Variants in KAT6B observed in about 807,000 individuals in gnomAD.
KAT6B encodes lysine acetyltransferase 6B.
In KAT6B, 10 loss-of-function variants were observed where a neutral mutation model predicts 187.5. The ratio of observed to expected loss-of-function variants is 0.05; its 90% confidence interval spans 0.03 to 0.09. KAT6B has a LOEUF of 0.09. KAT6B is among the 10% of genes least tolerant of loss of function. The pLI, the probability that KAT6B is intolerant of heterozygous loss-of-function variation, is 1.00. For synonymous variants in KAT6B, 861 were observed against 926.8 expected, an observed-to-expected ratio of 0.93 and a Z score of 1.29; for missense variants, 1,952 against 2,558.9, an observed-to-expected ratio of 0.76 and a Z score of 5.12.
rs532562370 is a variant in KAT6B at position 74,970,246 on chromosome 10, G to C, written c.928+145G>C. On this transcript the variant is annotated intron_variant, in intron 6 of 17. Coordinates refer to ENST00000287239, the MANE Select transcript of KAT6B (RefSeq NM_012330.4). ...CCCTATACTTCTGAGTTTAGCACAGGTTGTGAATAGAGGAGTATAAAAGCA... is the reference window on the plus strand; with the variant it reads ...CCCTATACTTCTGAGTTTAGCACAGCTTGTGAATAGAGGAGTATAAAAGCA... 430 of 655,816 alleles carry C rather than the reference G, an allele frequency of 6.6e-4. 5 individuals are homozygous for C. The South Asian group carries it at 7.0e-3, about 11-fold the overall frequency. 40.6% of individuals were successfully genotyped at this position (655,816 alleles called of 1,614,324 possible).
rs753103186 is a variant in KAT6B at position 75,029,786 on chromosome 10, A to C, written c.4962A>C (p.Ser1654=). 6.2e-7 allele frequency: 1 copy of C among 1,614,210 alleles called. No homozygotes were observed. The highest frequency in any genetic ancestry group is 1.1e-5 in the South Asian group (1 of 91,084). Residue 1654 remains serine (S), a synonymous_variant, in exon 18 of 18, where the codon TCA becomes TCC. Transcript: ENST00000287239. This position sits in a 1 kb window ranked among gnomAD's most constrained non-coding sequence, Gnocchi z 6.2. ...CCAGTCCCATGATGGATGTCCCATC[A>C]GTTTCAGATCATTCACAGCAAGTCG... ...METSPMMDVP[S]VSDHSQQVVD...
At chr10:74,981,094 T>A (rs1842477462) in intron 10 of KAT6B, among the ~76,000 whole-genome samples, 2 of 152,206 alleles carry the variant, frequency 1.3e-5, no homozygotes, top group African/African-American at 4.8e-5. Flanking sequence ...AAAAATATGC[T>A]TGGTCCCTTG....
chr10:74,897,987 C>T (rs546962711), intron 3 of KAT6B, among the ~76,000 whole-genome samples: 2 of 152,152 alleles, frequency 1.3e-5, no homozygotes, highest in South Asian at 2.1e-4. Context: ...CAGACAAGCA[C>T]ACTTTTAAAT....
chr10:74,850,221 GT>G (rs1564520561), intron 3 of KAT6B, among the ~76,000 whole-genome samples: 1 of 152,150 alleles, frequency 6.6e-6, no homozygotes, highest in African/African-American at 2.4e-5. Flanking sequence ...AACAGTAAAA[GT>G]ATCTCTTCCA....
rs758355954 is a variant in KAT6B, at chr10:75,028,552, A to G, written c.3728A>G (p.Lys1243Arg). Reference sequence around the variant, plus strand: ...AGTAAAGACAATCCCGAACCTCTAAAGTGCAAACAAGTGTGGCCAAAAGGA... The same window carrying G: ...AGTAAAGACAATCCCGAACCTCTAAGGTGCAAACAAGTGTGGCCAAAAGGA... ...EGSKDNPEPL[K>R]CKQVWPKGTK... is the part of the protein sequence containing the mutation. The change falls in exon 18 of 18, where the codon AAG becomes AGG. Residue 1243 changes from lysine (K) to arginine (R), a missense_variant. Lys to Arg is a conservative substitution (Grantham distance 26, BLOSUM62 2). Around this residue, in one of 9 missense-constraint regions of KAT6B, gnomAD observed 758 missense variants for 891.4 expected, o/e 0.85. Transcript: ENST00000287239. 4.6e-5 allele frequency: 74 copies of G among 1,614,124 alleles called. No homozygotes were observed. In the East Asian group the frequency reaches 1.6e-3, roughly 35 times the overall value.
intron 13 of KAT6B, among the ~76,000 whole-genome samples, chr10:75,016,261 AT>A (rs1844967513): frequency 6.6e-6 from 1 of 152,208 alleles, no homozygotes; most frequent in Admixed American, 6.5e-5. Flanking sequence ...TTAACATGAG[AT>A]TTGATTCTTT....
At position 75,029,394 on chromosome 10, in the gene KAT6B, G is replaced by C. The variant is rs545973592; in HGVS notation, c.4570G>C (p.Asp1524His). 1 of 1,614,066 alleles carries C rather than the reference G, an allele frequency of 6.2e-7. No individual in the cohort carries two copies. Among genetic ancestry groups the C allele is most frequent in the African/African-American group, 1.3e-5 (1 of 74,998 alleles). The stretch of plus-strand genomic sequence containing the variant: ...GGACCAAAAGAACAGCAAGGAAGTC[G>C]ATACAGAGTTCAAAGAGGGAAACCC... ...KQDQKNSKEV[D>H]TEFKEGNPAT... The change falls in exon 18 of 18, where the codon GAT (aspartate) becomes CAT (histidine). Residue 1524 changes from aspartate to histidine, a missense_variant. Asp to His is a moderately conservative substitution (Grantham distance 81). Around this residue, in one of 9 missense-constraint regions of KAT6B, gnomAD observed 758 missense variants for 891.4 expected, o/e 0.85. Coordinates refer to ENST00000287239, the MANE Select transcript of KAT6B (RefSeq NM_012330.4). This position sits in a 1 kb window ranked among gnomAD's most constrained non-coding sequence, Gnocchi z 6.2.
Position 75,025,121 on chromosome 10 carries a change from A to C in KAT6B, c.3536A>C (p.Glu1179Ala), listed in dbSNP as rs764745747. 1.9e-6 allele frequency: 3 copies of C among 1,614,132 alleles called. No homozygotes were observed. Among genetic ancestry groups the C allele is most frequent in the Non-Finnish European group, 2.5e-6 (3 of 1,180,052 alleles). Residue 1179 changes from glutamate to alanine, a missense_variant, in exon 17 of 18, where the codon GAA (glutamate) becomes GCA (alanine). Transcript: ENST00000287239. ...CAGCTGGAGCCTACCTGTGAGATTGAAGTGGAGGAAGATGGCAGGAAGCCA... is the reference window on the plus strand; with the variant it reads ...CAGCTGGAGCCTACCTGTGAGATTGCAGTGGAGGAAGATGGCAGGAAGCCA... Reference protein sequence around the residue: ...MPQLEPTCEIEVEEDGRKPVL... With the variant: ...MPQLEPTCEIAVEEDGRKPVL...
chr10:74,865,857 C>T (rs1589504689), intron 3 of KAT6B, among the ~76,000 whole-genome samples: 2 of 152,256 alleles, frequency 1.3e-5, no homozygotes, highest in South Asian at 4.1e-4. Flanking sequence ...CATTACCGCA[C>T]TAAAGAGGCA....
At position 75,028,562 on chromosome 10, in the gene KAT6B, A is replaced by G; in HGVS notation, c.3738A>G (p.Gln1246=). 6.2e-7 allele frequency: 1 copy of G among 1,614,238 alleles called. No individual in the cohort carries two copies. The highest frequency in any genetic ancestry group is 8.5e-7 in the Non-Finnish European group (1 of 1,180,038). Residue 1246 remains glutamine, a synonymous_variant, in exon 18 of 18, where the codon CAA becomes CAG. Coordinates refer to ENST00000287239, the MANE Select transcript of KAT6B (RefSeq NM_012330.4). ...KDNPEPLKCK[Q]VWPKGTKRGL... ...ATCCCGAACCTCTAAAGTGCAAACAAGTGTGGCCAAAAGGAACAAAGCGCG... is the reference window on the plus strand; with the variant it reads ...ATCCCGAACCTCTAAAGTGCAAACAGGTGTGGCCAAAAGGAACAAAGCGCG...
At position 75,029,173 on chromosome 10, in the gene KAT6B, A is replaced by G. The variant is rs778679421; in HGVS notation, c.4349A>G (p.Lys1450Arg). The stretch of plus-strand genomic sequence containing the variant: ...GAAGAGCTGCCCAGAGAAAGCTTCA[A>G]AGAAGTACTGGAAAACCAGGAGACT... The part of the protein sequence containing the change: ...EKEELPRESF[K>R]EVLENQETFL... Residue 1450 changes from lysine (K) to arginine (R), a missense_variant, in exon 18 of 18, where the codon AAA becomes AGA. Lys to Arg is a conservative substitution (Grantham distance 26). Transcript: ENST00000287239. This position sits in a 1 kb window ranked among gnomAD's most constrained non-coding sequence, Gnocchi z 6.2. 6.8e-6 allele frequency: 11 copies of G among 1,614,150 alleles called. No homozygotes were observed. The highest frequency in any genetic ancestry group is 9.3e-6 in the Non-Finnish European group (11 of 1,180,018).
At chr10:75,027,073 A>C (rs1845907663) in intron 17 of KAT6B, among the ~76,000 whole-genome samples, 1 of 152,146 alleles carries the variant, frequency 6.6e-6, no homozygotes, top group Non-Finnish European at 1.5e-5. Flanking sequence ...TGGGAGACAG[A>C]GGTTGCAGTG....
At chr10:74,906,445 A>G (rs1295858993) in intron 3 of KAT6B, among the ~76,000 whole-genome samples, 2 of 152,170 alleles carry the variant, frequency 1.3e-5, no homozygotes, top group Non-Finnish European at 2.9e-5. Context: ...TGGATCCTAA[A>G]TATTGGGACA....
rs543526503 is a variant in KAT6B, at chr10:74,984,981, AATAAAATGATG to A, written c.2374-98_2374-88del. ...TTAATCTCTCAGTTTAGGATTTGGA[AATAAAATGATG>A]TACTTTCTGAAATACCATATAGAAG... On this transcript the variant is annotated intron_variant, in intron 11 of 17. Coordinates refer to ENST00000287239, the MANE Select transcript of KAT6B (RefSeq NM_012330.4). 357 of 1,123,674 alleles carry A rather than the reference AATAAAATGATG, an allele frequency of 3.2e-4. 1 individual carries two copies. In the East Asian group the frequency reaches 8.4e-3, roughly 26 times the overall value. The allele number at this position is 1,123,674 out of a possible 1,614,324, so 69.6% of individuals were successfully genotyped here. A position where few individuals can be genotyped will look rare whatever the true frequency, so the allele number is the denominator to read the frequency against.
At chr10:74,986,797 G>A (rs1009513904) in intron 12 of KAT6B, among the ~76,000 whole-genome samples, 4 of 152,208 alleles carry the variant, frequency 2.6e-5, no homozygotes, top group Non-Finnish European at 4.4e-5. Flanking sequence ...AATAGTGGTT[G>A]CGTCCTTGCT....
chr10:74,965,029 G>T (rs1030083344), intron 4 of KAT6B, among the ~76,000 whole-genome samples: 2 of 152,150 alleles, frequency 1.3e-5, no homozygotes, highest in Non-Finnish European at 2.9e-5. Context: ...ACCTTTTTAA[G>T]TTATAAATCT....
At chr10:75,024,031 A>G (rs1445514060) in intron 16 of KAT6B, 1 of 152,106 alleles carries the variant, frequency 6.6e-6, no homozygotes, top group Non-Finnish European at 1.5e-5. Context: ...GTCATTAAAA[A>G]CTTTTTTGCT....
rs114078178 is a variant in KAT6B at position 74,881,812 on chromosome 10, C to G, written c.621+38334C>G. On this transcript the variant is annotated intron_variant, in intron 3 of 17. Coordinates refer to ENST00000287239, the MANE Select transcript of KAT6B (RefSeq NM_012330.4). ...GGGACTACAGTCTCATGTCACTGTG[C>G]CTGGCTAATTTTTAAAATTATTTTA... 2.8e-3 allele frequency among the ~76,000 whole-genome samples: 420 copies of G among 152,238 alleles called. 2 individuals are homozygous for G. The highest frequency in any genetic ancestry group is 9.7e-3 in the African/African-American group (404 of 41,532).
At chr10:74,847,920 CT>C (rs528371220) in intron 3 of KAT6B, among the ~76,000 whole-genome samples, 3,130 of 131,706 alleles carry the variant, frequency 0.024, 75 homozygotes, top group African/African-American at 0.078. Flanking sequence ...TTTTCTTTTT[CT>C]TTTTTTTTTT....
Sources: allele counts gnomAD v4.1 joint callset (sites outside exome capture counted in the v4.1 genomes callset), GRCh38; gene constraint gnomAD v4.1.1; regional missense constraint gnomAD v4.1.1; non-coding constraint Gnocchi (gnomAD v3.1); transcripts MANE v1.5; gene names NCBI Gene and HGNC (gene_info 2026-07-23, HGNC 2026-07-21).